Variants in LAMA2 observed in about 807,000 individuals in gnomAD.
The protein encoded by LAMA2 is laminin subunit alpha-2.
LAMA2 carries 269 observed loss-of-function variants against 364.8 expected under a neutral mutation model. That is an observed-to-expected ratio of 0.74 (90% CI 0.67 to 0.82). The LOEUF is 0.82. Among genes scored for constraint, LAMA2 ranks in the 40% least tolerant of loss-of-function variants. The probability of loss-of-function intolerance (pLI) is 0.00; values close to 1 mark genes in which losing one functional copy is unlikely to be tolerated. For synonymous variants in LAMA2, 1,379 were observed against 1,370.6 expected, an observed-to-expected ratio of 1.01 and a Z score of -0.14; for missense variants, 3,807 against 3,873.2, an observed-to-expected ratio of 0.98 and a Z score of 0.45.
chr6:129,013,517 A>G (rs9492189), intron 1 of LAMA2, among the ~76,000 whole-genome samples: 7,893 of 152,210 alleles, frequency 0.052, 672 homozygotes, highest in African/African-American at 0.18. Flanking sequence ...GTCAAGGAAA[A>G]CCCACTAAAA....
chr6:129,469,933 G>T (rs1783728241), intron 51 of LAMA2, among the ~76,000 whole-genome samples: 1 of 151,850 alleles, frequency 6.6e-6, no homozygotes, highest in African/African-American at 2.4e-5. Flanking sequence ...GATGCTACTT[G>T]TGAATGGTAT....
chr6:129,453,429 A>G (rs1341681164), intron 46 of LAMA2, among the ~76,000 whole-genome samples: 2 of 152,182 alleles, frequency 1.3e-5, no homozygotes, highest in Non-Finnish European at 2.9e-5. Flanking sequence ...TAATGAGAAT[A>G]AAGCTATTTT....
At position 129,391,618 on chromosome 6, in the gene LAMA2, A is replaced by G. The variant is rs1779327573; in HGVS notation, c.5199A>G (p.Leu1733=). ...TTAAAGAACTGAGGAGGAAAAATCTAGAGACACAAAAGGAAATTGCTGAAG... is the reference window on the plus strand; with the variant it reads ...TTAAAGAACTGAGGAGGAAAAATCTGGAGACACAAAAGGAAATTGCTGAAG... ...QMIKELRRKN[L]ETQKEIAEDE... is the part of the protein sequence containing the mutation. Residue 1733 remains leucine, a synonymous_variant, in exon 36 of 65, where the codon CTA becomes CTG. Coordinates refer to ENST00000421865, the MANE Select transcript of LAMA2 (RefSeq NM_000426.4). The G allele has an allele frequency of 6.2e-7, 1 of 1,613,858 alleles. No homozygotes were observed. The highest frequency in any genetic ancestry group is 1.3e-5 in the African/African-American group (1 of 74,940).
At chr6:129,321,429 A>G (rs1170812513) in intron 28 of LAMA2, among the ~76,000 whole-genome samples, 1 of 152,114 alleles carries the variant, frequency 6.6e-6, no homozygotes. Flanking sequence ...AGTAACTACC[A>G]CTACACTTTC....
intron 16 of LAMA2, among the ~76,000 whole-genome samples, chr6:129,269,997 G>T (rs929269617): frequency 2.0e-5 from 3 of 151,994 alleles, no homozygotes; most frequent in African/African-American, 7.3e-5. Context: ...GATGAAATTG[G>T]CACGTGATGT....
At chr6:128,895,212 A>G (rs1355158544) in intron 1 of LAMA2, among the ~76,000 whole-genome samples, 1 of 152,208 alleles carries the variant, frequency 6.6e-6, no homozygotes, top group African/African-American at 2.4e-5. Flanking sequence ...CCAGACATAC[A>G]TATAGAAATC....
At chr6:128,958,499 A>T (rs76493145) in intron 1 of LAMA2, among the ~76,000 whole-genome samples, 3,660 of 152,180 alleles carry the variant, frequency 0.024, 48 homozygotes, top group Middle Eastern at 0.031. Flanking sequence ...AACCTATTAT[A>T]ATGTGTGATT....
At chr6:129,309,759 A>T (rs1366840112) in intron 22 of LAMA2, among the ~76,000 whole-genome samples, 1 of 152,218 alleles carries the variant, frequency 6.6e-6, no homozygotes, top group Non-Finnish European at 1.5e-5. Context: ...TATTTATAAT[A>T]TACAAATAAT....
rs1491387157 is a variant in LAMA2 at position 129,330,591 on chromosome 6, G to GTTTTTTTT, written c.4311+2179_4311+2180insTTTTTTTT. On this transcript the variant is annotated intron_variant, in intron 29 of 64. Transcript: ENST00000421865. ...TTGAAGCGTTTTTTTGTTGTTGTTT[G>GTTTTTTTT]GTTTTTGTTTTTTTTTTTTTTTTTC... Among the ~76,000 whole-genome samples, 37 of 83,810 alleles carry GTTTTTTTT rather than the reference G, an allele frequency of 4.4e-4. 4 individuals carry two copies. The highest frequency in any genetic ancestry group is 8.7e-4 in the South Asian group (2 of 2,296). The allele number at this position is 83,810 out of a possible 152,430, so 55.0% of individuals were successfully genotyped here.
chr6:129,132,121 G>C (rs1777516654), intron 4 of LAMA2, among the ~76,000 whole-genome samples: 1 of 151,546 alleles, frequency 6.6e-6, no homozygotes, highest in Non-Finnish European at 1.5e-5. Context: ...CAGCACCTCA[G>C]CACAGATCTG....
At chr6:129,205,456 C>T (rs1186926675) in intron 12 of LAMA2, among the ~76,000 whole-genome samples, 1 of 142,632 alleles carries the variant, frequency 7.0e-6, no homozygotes, top group Non-Finnish European at 1.5e-5. Flanking sequence ...ACATACTTCT[C>T]TTCTGGGAAT....
chr6:129,178,476 T>C (rs1780743377), intron 10 of LAMA2, among the ~76,000 whole-genome samples: 1 of 152,176 alleles, frequency 6.6e-6, no homozygotes, highest in Non-Finnish European at 1.5e-5. Flanking sequence ...CTGCAGCTTA[T>C]AAACATTATG....
chr6:129,263,057 G>T (rs1025322797), intron 15 of LAMA2, among the ~76,000 whole-genome samples: 1 of 152,032 alleles, frequency 6.6e-6, no homozygotes, highest in Non-Finnish European at 1.5e-5. Context: ...TGAGACAGGG[G>T]ATATACTATT....
chr6:129,430,418 C>G (rs1353696790), intron 41 of LAMA2, among the ~76,000 whole-genome samples: 1 of 152,134 alleles, frequency 6.6e-6, no homozygotes, highest in Non-Finnish European at 1.5e-5. Context: ...CTGTCCTTGC[C>G]TTGAGGGAAT....
Position 129,146,986 on chromosome 6 carries a change from G to A in LAMA2, c.847G>A (p.Val283Ile), listed in dbSNP as rs2114964068. The A allele has an allele frequency of 6.2e-7, 1 of 1,611,570 alleles. No homozygotes were observed. Among genetic ancestry groups the A allele is most frequent in the Non-Finnish European group, 8.5e-7 (1 of 1,177,856 alleles). Residue 283 changes from valine (V) to isoleucine (I), a missense_variant, in exon 6 of 65, where the codon GTT becomes ATT. Val to Ile is a conservative substitution (Grantham distance 29, BLOSUM62 3). Coordinates refer to ENST00000421865, the MANE Select transcript of LAMA2 (RefSeq NM_000426.4). ...RYYYSVKDIS[V>I]GGMCICYGHA... Reference sequence around the variant, plus strand: ...TTACTACTCGGTCAAGGATATTTCAGTTGGAGGGATGTGCATCTGCTATGG... The same window carrying A: ...TTACTACTCGGTCAAGGATATTTCAATTGGAGGGATGTGCATCTGCTATGG...
chr6:129,420,686 A>G (rs1781029263), intron 40 of LAMA2, among the ~76,000 whole-genome samples: 1 of 152,168 alleles, frequency 6.6e-6, no homozygotes, highest in South Asian at 2.1e-4. Context: ...CATCTCTAAT[A>G]AAAAAGTAAT....
intron 19 of LAMA2, among the ~76,000 whole-genome samples, chr6:129,288,704 C>G (rs1294934582): frequency 6.6e-6 from 1 of 152,162 alleles, no homozygotes; most frequent in East Asian, 1.9e-4. Flanking sequence ...TTTCTCCCCT[C>G]TTTACCTTTT....
intron 4 of LAMA2, among the ~76,000 whole-genome samples, chr6:129,136,073 AT>A (rs1205242991): frequency 1.3e-5 from 2 of 151,844 alleles, no homozygotes; most frequent in Non-Finnish European, 2.9e-5. Flanking sequence ...GCATTTAGTA[AT>A]TTTTTTTGTT....
At chr6:129,243,774 A>G (rs1785545992) in intron 12 of LAMA2, among the ~76,000 whole-genome samples, 1 of 152,098 alleles carries the variant, frequency 6.6e-6, no homozygotes, top group East Asian at 1.9e-4. Flanking sequence ...ACCAGTTCTA[A>G]TTAATGCACG....
Sources: allele counts gnomAD v4.1 joint callset (sites outside exome capture counted in the v4.1 genomes callset), GRCh38; gene constraint gnomAD v4.1.1; transcripts MANE v1.5; gene names NCBI Gene and HGNC (gene_info 2026-07-23, HGNC 2026-07-21).